Variants in PDZD8 observed in about 807,000 individuals in gnomAD.
PDZD8 encodes the protein PDZ domain-containing protein 8.
PDZD8 carries 14 observed loss-of-function variants against 85.8 expected under a neutral mutation model. The ratio of observed to expected loss-of-function variants is 0.16; its 90% CI spans 0.11 to 0.26. The LOEUF is 0.26. PDZD8 is among the 10% of genes least tolerant of loss of function. The pLI is 1.00. For missense variants in PDZD8, 1,197 were observed against 1,424.3 expected, an observed-to-expected ratio of 0.84 and a Z score of 2.57; for synonymous variants, 592 against 568.6, an observed-to-expected ratio of 1.04 and a Z score of -0.59.
chr10:117,335,361 GATATAA>G (rs1224859448), intron 2 of PDZD8, among the ~76,000 whole-genome samples: 9 of 152,144 alleles, frequency 5.9e-5, no homozygotes, highest in African/African-American at 2.2e-4. Context: ...TGACAATTTT[GATATAA>G]AAGAAGAAAT....
At position 117,374,409 on chromosome 10, in the gene PDZD8, G is replaced by C; in HGVS notation, c.819C>G (p.Asn273Lys). Residue 273 changes from asparagine to lysine, a missense_variant, in exon 1 of 5, where the codon AAC becomes AAG. Coordinates refer to ENST00000334464, the MANE Select transcript of PDZD8 (RefSeq NM_173791.5). The surrounding 1 kb of genome is among the most constrained non-coding windows in gnomAD (Gnocchi z 7.8). ...PMPQLTSIIV[N>K]QLKKIIKRKH... ...TGCGCTTGATGATCTTCTTGAGCTG[G>C]TTGACGATGATGGAGGTGAGCTGGG... 6.2e-7 allele frequency: 1 copy of C among 1,614,244 alleles called. No individual in the cohort carries two copies. The highest frequency in any genetic ancestry group is 8.5e-7 in the Non-Finnish European group (1 of 1,180,042).
At position 117,283,538 on chromosome 10, in the gene PDZD8, A is replaced by G. The variant is rs1000636547; in HGVS notation, c.3195T>C (p.Thr1065=). 2 of 1,614,100 alleles carry G rather than the reference A, an allele frequency of 1.2e-6. No homozygotes were observed. Among genetic ancestry groups the G allele is most frequent in the Admixed American group, 1.7e-5 (1 of 60,012 alleles). ...AAAGAAGTGATTTTTTCCTTGTATCAGTTGTCTCTTTTTCTTCTCTAACAA... is the reference window on the plus strand; with the variant it reads ...AAAGAAGTGATTTTTTCCTTGTATCGGTTGTCTCTTTTTCTTCTCTAACAA... ...NSLVREEKET[T]DTRKKSLLSA... Residue 1065 remains threonine, a synonymous_variant, in exon 5 of 5, where the codon ACT becomes ACC. Coordinates refer to ENST00000334464, the MANE Select transcript of PDZD8 (RefSeq NM_173791.5).
chr10:117,341,660 T>A (rs1275146810), intron 1 of PDZD8, among the ~76,000 whole-genome samples: 1 of 152,214 alleles, frequency 6.6e-6, no homozygotes, highest in Non-Finnish European at 1.5e-5. Flanking sequence ...TGTAAATAGT[T>A]GTTAAGACTA....
Position 117,374,912 on chromosome 10 carries a change from A to C in PDZD8, c.316T>G (p.Phe106Val), listed in dbSNP as rs1208143520. 1 of 1,612,922 alleles carries C rather than the reference A, an allele frequency of 6.2e-7. No homozygotes were observed. Among genetic ancestry groups the C allele is most frequent in the East Asian group, 2.2e-5 (1 of 44,742 alleles). ...YFLNATILFL[F>V]RELRDTALTR... ...AGCGCGGTGTCCCGCAACTCCCGGA[A>C]CAGGAATAGGATGGTGGCGTTGAGG... The change falls in exon 1 of 5, where the codon TTC (phenylalanine) becomes GTC (valine). Residue 106 changes from phenylalanine (F) to valine (V), a missense_variant. Coordinates refer to ENST00000334464, the MANE Select transcript of PDZD8 (RefSeq NM_173791.5). This position sits in a 1 kb window ranked among gnomAD's most constrained non-coding sequence, Gnocchi z 7.8.
At chr10:117,351,446 C>CAA (rs929066541) in intron 1 of PDZD8, among the ~76,000 whole-genome samples, 9 of 151,942 alleles carry the variant, frequency 5.9e-5, no homozygotes, top group Non-Finnish European at 7.4e-5. Context: ...AAAACAAACA[C>CAA]AAAAAAATCT....
chr10:117,311,099 C>A (rs1218077029), intron 3 of PDZD8, among the ~76,000 whole-genome samples: 1 of 152,112 alleles, frequency 6.6e-6, no homozygotes, highest in Non-Finnish European at 1.5e-5. Flanking sequence ...TTAGATTATA[C>A]CTAGTCATTT....
At chr10:117,315,597 A>AAT (rs1554853446) in intron 3 of PDZD8, among the ~76,000 whole-genome samples, 1 of 143,794 alleles carries the variant, frequency 7.0e-6, no homozygotes, top group Admixed American at 6.9e-5. Flanking sequence ...CAAAAAAAAA[A>AAT]AAAAAAAAAA....
intron 3 of PDZD8, among the ~76,000 whole-genome samples, chr10:117,300,988 C>A (rs780112234): frequency 3.3e-5 from 5 of 152,084 alleles, no homozygotes; most frequent in Non-Finnish European, 7.4e-5. Context: ...AACTAAAAAT[C>A]ATCATTTTTT....
At chr10:117,335,937 G>A (rs1330093849) in intron 2 of PDZD8, among the ~76,000 whole-genome samples, 2 of 152,128 alleles carry the variant, frequency 1.3e-5, no homozygotes, top group African/African-American at 4.8e-5. Context: ...ACCAAAGCAA[G>A]GAACAATTCC....
intron 1 of PDZD8, among the ~76,000 whole-genome samples, chr10:117,351,713 G>A (rs1289591312): frequency 1.3e-5 from 2 of 151,896 alleles, no homozygotes; most frequent in African/African-American, 2.4e-5. Context: ...TTGAAGACAG[G>A]GTCTTACTCT....
intron 4 of PDZD8, among the ~76,000 whole-genome samples, chr10:117,287,318 A>G (rs958678087): frequency 2.6e-5 from 4 of 152,080 alleles, no homozygotes; most frequent in African/African-American, 9.7e-5. Flanking sequence ...CTTATATGCA[A>G]CTGTTACCAA....
intron 1 of PDZD8, among the ~76,000 whole-genome samples, chr10:117,365,163 T>C (rs1032713163): frequency 1.3e-5 from 2 of 151,614 alleles, no homozygotes; most frequent in African/African-American, 2.4e-5. Flanking sequence ...AAATCTACCA[T>C]CTACACAGAG....
chr10:117,338,396 C>A (rs1181950488), intron 2 of PDZD8, among the ~76,000 whole-genome samples: 1 of 152,160 alleles, frequency 6.6e-6, no homozygotes, highest in Non-Finnish European at 1.5e-5. Context: ...GGGAAAGGTG[C>A]TGGCTATATA....
rs1442760700 is a variant in PDZD8 at position 117,374,502 on chromosome 10, G to T, written c.726C>A (p.Phe242Leu). ...TCAGCGGGTCTTCCACGAAGGAGAAGAACCAGTGGGTGAAGGGCACGCGCG... is the reference window on the plus strand; with the variant it reads ...TCAGCGGGTCTTCCACGAAGGAGAATAACCAGTGGGTGAAGGGCACGCGCG... ...VFTRVPFTHW[F>L]FSFVEDPLID... The change falls in exon 1 of 5, where the codon TTC (phenylalanine) becomes TTA (leucine). Residue 242 changes from phenylalanine to leucine, a missense_variant. Transcript: ENST00000334464. The surrounding 1 kb of genome is among the most constrained non-coding windows in gnomAD (Gnocchi z 7.8). 3.7e-6 allele frequency: 6 copies of T among 1,613,284 alleles called. No individual in the cohort carries two copies. The highest frequency in any genetic ancestry group is 5.1e-6 in the Non-Finnish European group (6 of 1,179,698).
chr10:117,284,940 T>C lies in PDZD8; in HGVS notation c.1793A>G (p.Lys598Arg), dbSNP rs772099125. 2 of 1,614,160 alleles carry C rather than the reference T, an allele frequency of 1.2e-6. No individual in the cohort carries two copies. Among genetic ancestry groups the C allele is most frequent in the Non-Finnish European group, 1.7e-6 (2 of 1,180,022 alleles). The part of the protein sequence containing the change: ...KPPVPPRPQA[K>R]VPLPSADAPN... The stretch of plus-strand genomic sequence containing the variant: ...AGCATCGGCGGAAGGCAAAGGAACT[T>C]TCGCTTGTGGTCGTGGTGGCACAGG... The change falls in exon 5 of 5, where the codon AAA becomes AGA. Residue 598 changes from lysine to arginine, a missense_variant. Lys to Arg is a conservative substitution (Grantham distance 26, BLOSUM62 2). Around this residue, in one of 4 missense-constraint regions of PDZD8, gnomAD observed 263 missense variants for 261.9 expected, o/e 1.00. Coordinates refer to ENST00000334464, the MANE Select transcript of PDZD8 (RefSeq NM_173791.5).
chr10:117,335,080 C>A (rs564887257), intron 2 of PDZD8, among the ~76,000 whole-genome samples: 13 of 152,146 alleles, frequency 8.5e-5, no homozygotes, highest in Non-Finnish European at 1.9e-4. Flanking sequence ...AAAGCTCCCT[C>A]AGACATGGTC....
chr10:117,365,498 A>G (rs966218900), intron 1 of PDZD8, among the ~76,000 whole-genome samples: 2 of 152,202 alleles, frequency 1.3e-5, no homozygotes, highest in African/African-American at 4.8e-5. Flanking sequence ...TTGATACTAC[A>G]TATTTTCTAA....
intron 2 of PDZD8, among the ~76,000 whole-genome samples, chr10:117,328,139 ATT>A (rs1322386520): frequency 6.6e-6 from 1 of 152,168 alleles, no homozygotes; most frequent in Non-Finnish European, 1.5e-5. Context: ...CAACTTATTT[ATT>A]TTGTTTGCAA....
chr10:117,355,990 C>G (rs1844887791), intron 1 of PDZD8, among the ~76,000 whole-genome samples: 1 of 152,008 alleles, frequency 6.6e-6, no homozygotes, highest in Non-Finnish European at 1.5e-5. Flanking sequence ...TTTTAAAACT[C>G]TTAAGTTATT....
Sources: gnomAD v4.1 joint callset for allele counts (sites outside exome capture counted in the v4.1 genomes callset) on GRCh38, gnomAD v4.1.1 for gene constraint, gnomAD v4.1.1 regional missense constraint, Gnocchi (gnomAD v3.1) non-coding constraint, MANE v1.5 for transcripts, NCBI Gene and HGNC (gene_info 2026-07-23, HGNC 2026-07-21) for gene names.